TCEA1: variants seen among roughly 807,000 people sequenced by gnomAD.
TCEA1 encodes the protein transcription elongation factor A protein 1.
In TCEA1, 21 loss-of-function variants were observed where a neutral mutation model predicts 43.8. That is an observed-to-expected ratio of 0.48 (90% CI 0.34 to 0.69). TCEA1 has a LOEUF of 0.69. Among genes scored for constraint, TCEA1 ranks in the 30% least tolerant of loss-of-function variants. The pLI, the probability that TCEA1 is intolerant of heterozygous loss-of-function variation, is 0.01. For synonymous variants in TCEA1, 104 were observed against 117.5 expected (o/e 0.88, Z 0.75); for missense variants, 250 against 365.1 (o/e 0.68, Z 2.57).
intron 3 of TCEA1, among the ~76,000 whole-genome samples, chr8:53,996,986 G>C (rs970042304): frequency 6.8e-6 from 1 of 146,362 alleles, no homozygotes; most frequent in African/African-American, 2.6e-5. Context: ...TGCAAGCTCC[G>C]CCTCCCGGGT....
intron 8 of TCEA1, chr8:53,971,609 C>CA (rs201216442): frequency 1.5e-3 from 228 of 152,424 alleles, no homozygotes; most frequent in South Asian, 2.6e-3. Flanking sequence ...GATTCCATCT[C>CA]AAAAAAAAAA....
chr8:54,012,294 G>C (rs902182149), intron 1 of TCEA1, among the ~76,000 whole-genome samples: 1 of 152,250 alleles, frequency 6.6e-6, no homozygotes, highest in African/African-American at 2.4e-5. Context: ...GGGCGCAGTG[G>C]CTCACACCTG....
chr8:53,972,793 C>T (rs1311607268), intron 8 of TCEA1: 3 of 719,848 alleles, frequency 4.2e-6, no homozygotes, highest in East Asian at 5.1e-5. Flanking sequence ...TCTCCTGAAA[C>T]AGCCAGTAAA....
intron 6 of TCEA1, among the ~76,000 whole-genome samples, chr8:53,985,535 T>C (rs1170968255): frequency 6.6e-6 from 1 of 152,164 alleles, no homozygotes; most frequent in Non-Finnish European, 1.5e-5. Flanking sequence ...CCATTCAGCA[T>C]GGCCGTGAGG....
chr8:53,985,028 G>A (rs1803644861), intron 6 of TCEA1, among the ~76,000 whole-genome samples: 1 of 152,122 alleles, frequency 6.6e-6, no homozygotes, highest in South Asian at 2.1e-4. Flanking sequence ...TAAAGTAGTT[G>A]TTTGTTTTGA....
At chr8:53,977,328 A>C (rs569876445) in intron 8 of TCEA1, among the ~76,000 whole-genome samples, 200 of 152,334 alleles carry the variant, frequency 1.3e-3, no homozygotes, top group African/African-American at 4.6e-3. Context: ...TCAAAGAAAA[A>C]GGAAAACAAA....
chr8:54,001,436 A>G (rs1259611743), intron 2 of TCEA1, among the ~76,000 whole-genome samples: 2 of 152,208 alleles, frequency 1.3e-5, no homozygotes, highest in South Asian at 2.1e-4. Flanking sequence ...AGAGTGTCCT[A>G]TATCTCTTAG....
In TCEA1 at chr8:53,988,457, C is replaced by G. The variant is rs189434704; in HGVS notation, c.321-198G>C. ...AAAATTTTACAATTTAGTAAAGTGA[C>G]AAGTATGCCTTTTTTTTGAACTAAA... On this transcript the variant is annotated intron_variant, in intron 4 of 9. Transcript: ENST00000521604. Among the ~76,000 whole-genome samples, 3 of 152,242 alleles carry G rather than the reference C, an allele frequency of 2.0e-5. No homozygotes were observed. In the East Asian group the frequency reaches 5.8e-4, roughly 29 times the overall value.
chr8:53,972,226 G>T, intron 8 of TCEA1: 1 of 348,262 alleles, frequency 2.9e-6, no homozygotes. Context: ...AAAACAGGAA[G>T]TGATGAGGAA....
intron 5 of TCEA1, among the ~76,000 whole-genome samples, 160 bp from the exon 6 acceptor site, chr8:53,987,185 G>A (rs1382505552): frequency 2.6e-5 from 4 of 152,148 alleles, no homozygotes; most frequent in Admixed American, 2.0e-4. Flanking sequence ...TTCACTGCCC[G>A]CTAGACTTCT....
chr8:53,997,920 G>A (rs1804117436), intron 3 of TCEA1, among the ~76,000 whole-genome samples: 1 of 152,162 alleles, frequency 6.6e-6, no homozygotes. Flanking sequence ...GAATAAACCT[G>A]CTTCAAGGAT....
At chr8:53,987,979 A>G (rs1803742308) in intron 5 of TCEA1, 135 bp downstream of exon 5, 1 of 1,096,018 alleles carries the variant, frequency 9.1e-7, no homozygotes, top group Non-Finnish European at 1.2e-6. Context: ...ATCAGCAACA[A>G]CTTCTCCCCA....
chr8:53,968,823 C>A (rs1563455958), intron 9 of TCEA1, among the ~76,000 whole-genome samples: 3 of 152,100 alleles, frequency 2.0e-5, no homozygotes, highest in Non-Finnish European at 4.4e-5. Context: ...CAAAACAAAT[C>A]CAAGAGAACA....
intron 4 of TCEA1, 25 bp from the exon 5 acceptor site, chr8:53,988,284 A>T: frequency 6.2e-7 from 1 of 1,603,614 alleles, no homozygotes; most frequent in South Asian, 1.1e-5. Flanking sequence ...AACACCCCAA[A>T]AAGAAATCAA....
chr8:53,976,597 C>G (rs1803340011), intron 8 of TCEA1, among the ~76,000 whole-genome samples: 1 of 152,150 alleles, frequency 6.6e-6, no homozygotes. Context: ...AAGAAACAAA[C>G]TTGGTATTTA....
chr8:54,021,877 C>T (rs978627449), intron 1 of TCEA1, 186 bp downstream of exon 1: 3 of 441,076 alleles, frequency 6.8e-6, no homozygotes, highest in Non-Finnish European at 1.2e-5. Flanking sequence ...CGGGTCCTAA[C>T]GCAGGTTGCC....
intron 5 of TCEA1, among the ~76,000 whole-genome samples, chr8:53,987,299 TCC>T (rs1213705961): frequency 5.9e-5 from 9 of 152,186 alleles, no homozygotes; most frequent in African/African-American, 1.9e-4. Flanking sequence ...TTTTCGTAAC[TCC>T]ATAAATTCTG....
intron 1 of TCEA1, among the ~76,000 whole-genome samples, chr8:54,012,217 G>A (rs1804673028): frequency 1.3e-5 from 2 of 152,198 alleles, no homozygotes; most frequent in African/African-American, 4.8e-5. Flanking sequence ...CACAACACAT[G>A]TAAAGCTATT....
intron 1 of TCEA1, 63 bp downstream of exon 1, chr8:54,022,000 G>C: frequency 7.1e-7 from 1 of 1,407,154 alleles, no homozygotes; most frequent in Non-Finnish European, 9.4e-7. Context: ...GGGAGGGGGC[G>C]GCCCCCTCGG....
Sources: gnomAD v4.1 joint callset for allele counts (sites outside exome capture counted in the v4.1 genomes callset) on GRCh38, gnomAD v4.1.1 for gene constraint, MANE v1.5 for transcripts, NCBI Gene and HGNC (gene_info 2026-07-23, HGNC 2026-07-21) for gene names.